DEF6: variants seen among roughly 807,000 people sequenced by gnomAD.
The protein encoded by DEF6 is DEF6 guanine nucleotide exchange factor.
Under a neutral mutation model 80.5 loss-of-function variants are expected in DEF6, and 32 were observed. The observed-to-expected ratio is 0.40, with a 90% CI of 0.30 to 0.53. DEF6 has a LOEUF of 0.53. DEF6 is among the 20% of genes least tolerant of loss of function. DEF6 has a pLI of 0.57. For missense variants in DEF6, 575 were observed against 818.7 expected (o/e 0.70, Z 3.63); for synonymous variants, 300 against 337.9 (o/e 0.89, Z 1.23).
At chr6:35,316,553 G>A (rs1014590970) in intron 5 of DEF6, among the ~76,000 whole-genome samples, 21 of 152,156 alleles carry the variant, frequency 1.4e-4, no homozygotes, top group African/African-American at 4.6e-4. Context: ...CATAGATAGC[G>A]TTTATTATTT....
At chr6:35,310,952 C>T (rs1022968048) in intron 3 of DEF6, among the ~76,000 whole-genome samples, 1 of 152,214 alleles carries the variant, frequency 6.6e-6, no homozygotes, top group Admixed American at 6.5e-5. Context: ...CATTACTGAG[C>T]ATTACTGGCA....
chr6:35,303,307 G>A (rs182234734), intron 1 of DEF6, among the ~76,000 whole-genome samples: 1 of 152,168 alleles, frequency 6.6e-6, no homozygotes, highest in East Asian at 1.9e-4. Context: ...TATGTGGCAG[G>A]TTCTGTCCTG....
At chr6:35,317,643 A>G in intron 5 of DEF6, 1 of 441,972 alleles carries the variant, frequency 2.3e-6, no homozygotes, top group South Asian at 2.9e-5. Context: ...GCGATTATGT[A>G]CTGGGCCCCG....
At chr6:35,307,271 C>T (rs186537299) in intron 1 of DEF6, among the ~76,000 whole-genome samples, 39 of 152,342 alleles carry the variant, frequency 2.6e-4, no homozygotes, top group African/African-American at 8.4e-4. Flanking sequence ...TAGTGGCACG[C>T]GTCAGCAATC....
intron 1 of DEF6, among the ~76,000 whole-genome samples, chr6:35,309,054 T>C (rs902354719): frequency 1.3e-5 from 2 of 152,174 alleles, no homozygotes; most frequent in East Asian, 1.9e-4. Flanking sequence ...CTTTGAGCCC[T>C]CTCCTCTCCC....
chr6:35,319,616 G>A lies in DEF6; in HGVS notation c.1308G>A (p.Gln436=). 6.2e-7 allele frequency: 1 copy of A among 1,614,104 alleles called. No individual in the cohort carries two copies. The highest frequency in any genetic ancestry group is 1.1e-5 in the South Asian group (1 of 91,076). The change falls in exon 8 of 11, where the codon CAG becomes CAA. Residue 436 remains glutamine, a synonymous_variant. Coordinates refer to ENST00000316637, the MANE Select transcript of DEF6 (RefSeq NM_022047.4). This position sits in a 1 kb window ranked among gnomAD's most constrained non-coding sequence, Gnocchi z 4.5. ...TCAAGGAGCTGGAGGAGATGCAGCA[G>A]CGGTTGCAGGAGGCCCTGCAACTAG... ...QRIKELEEMQ[Q]RLQEALQLEV... is the part of the protein sequence containing the mutation.
chr6:35,319,495 T>G lies in DEF6; in HGVS notation c.1216-29T>G. 7.3e-7 allele frequency: 1 copy of G among 1,376,958 alleles called. No homozygotes were observed. The highest frequency in any genetic ancestry group is 3.2e-5 in the East Asian group (1 of 31,160). The allele number at this position is 1,376,958 out of a possible 1,614,324, so 85.3% of individuals were successfully genotyped here. ...CCCCACGTGCCCCTTTTGACCTGGCTCTTGGTCCACCACCTCCCCCCTCCA... is the reference window on the plus strand; with the variant it reads ...CCCCACGTGCCCCTTTTGACCTGGCGCTTGGTCCACCACCTCCCCCCTCCA... On this transcript the variant is annotated intron_variant, in intron 7 of 10. Transcript: ENST00000316637. This position sits in a 1 kb window ranked among gnomAD's most constrained non-coding sequence, Gnocchi z 4.5.
chr6:35,313,425 A>C (rs192597351), intron 5 of DEF6: 5 of 345,234 alleles, frequency 1.4e-5, no homozygotes, highest in African/African-American at 2.2e-5. Flanking sequence ...AAATCATGTC[A>C]TTAGGTATCC....
intron 5 of DEF6, among the ~76,000 whole-genome samples, chr6:35,315,398 C>T (rs1404430946): frequency 3.3e-5 from 5 of 151,984 alleles, no homozygotes; most frequent in Admixed American, 3.3e-4. Flanking sequence ...CCTCCAGCTT[C>T]GTTCTTTTTA....
intron 1 of DEF6, among the ~76,000 whole-genome samples, 197 bp downstream of exon 1, chr6:35,298,149 C>A (rs1031330260): frequency 1.3e-5 from 2 of 152,186 alleles, no homozygotes. Flanking sequence ...CTCCAGAGAC[C>A]TAGTGAAGTG....
chr6:35,305,298 G>A (rs369495990), intron 1 of DEF6, among the ~76,000 whole-genome samples: 6 of 150,804 alleles, frequency 4.0e-5, no homozygotes, highest in Non-Finnish European at 3.0e-5. Flanking sequence ...GGAGTGTGCC[G>A]CCACACCCGG....
chr6:35,298,782 A>G (rs955046428), intron 1 of DEF6, among the ~76,000 whole-genome samples: 2 of 152,160 alleles, frequency 1.3e-5, no homozygotes, highest in Non-Finnish European at 2.9e-5. Context: ...CACTGGGGGA[A>G]AGGAGCAAGG....
chr6:35,319,477 T>G lies in DEF6; in HGVS notation c.1216-47T>G. On this transcript the variant is annotated intron_variant, in intron 7 of 10. Transcript: ENST00000316637. The surrounding 1 kb of genome is among the most constrained non-coding windows in gnomAD (Gnocchi z 4.5). ...CACCCCCTCCTCCTCCGCCCCCACG[T>G]GCCCCTTTTGACCTGGCTCTTGGTC... 59 of 1,146,994 alleles carry G rather than the reference T, an allele frequency of 5.1e-5. No homozygotes were observed. Among genetic ancestry groups the G allele is most frequent in the Non-Finnish European group, 5.5e-5 (46 of 830,722 alleles). The allele number at this position is 1,146,994 out of a possible 1,614,324, so 71.1% of individuals were successfully genotyped here. A position where few individuals can be genotyped will look rare whatever the true frequency, so the allele number is the denominator to read the frequency against.
chr6:35,314,407 CA>C (rs34185807), intron 5 of DEF6, among the ~76,000 whole-genome samples: 77,129 of 99,256 alleles, frequency 0.78, 28,720 homozygotes, highest in East Asian at 0.88. Context: ...AACTCTATCT[CA>C]AAAAAAAAAA....
Position 35,309,771 on chromosome 6 carries a change from G to A in DEF6, c.198G>A (p.Gln66=), listed in dbSNP as rs1241575554. ...RDDDDGPVSS[Q]GYMPYLNKYI... ...ATGATGACGGCCCTGTGTCCAGCCA[G>A]GGATACATGCCCTACCTCAACAAGT... The change falls in exon 2 of 11, where the codon CAG becomes CAA. Residue 66 remains glutamine (Q), a synonymous_variant. Coordinates refer to ENST00000316637, the MANE Select transcript of DEF6 (RefSeq NM_022047.4). The A allele has an allele frequency of 6.8e-6, 11 of 1,613,966 alleles. No homozygotes were observed. The highest frequency in any genetic ancestry group is 9.3e-6 in the Non-Finnish European group (11 of 1,180,020).
At position 35,319,694 on chromosome 6, in the gene DEF6, G is replaced by C. The variant is rs780877257; in HGVS notation, c.1382+4G>C. The stretch of plus-strand genomic sequence containing the variant: ...CTGTGCGAATCGCTCAGACCAGGTA[G>C]GCCTGAGGAACCTCTTCTGGTTCTC... On this transcript the variant is annotated splice_donor_region_variant and intron_variant, in intron 8 of 10. Coordinates refer to ENST00000316637, the MANE Select transcript of DEF6 (RefSeq NM_022047.4). The surrounding 1 kb of genome is among the most constrained non-coding windows in gnomAD (Gnocchi z 4.5). 2 of 1,607,836 alleles carry C rather than the reference G, an allele frequency of 1.2e-6. No homozygotes were observed. The highest frequency in any genetic ancestry group is 1.7e-5 in the Admixed American group (1 of 59,686).
chr6:35,319,828 A>G lies in DEF6; in HGVS notation c.1392A>G (p.Glu464=), dbSNP rs971695980. The change falls in exon 9 of 11, where the codon GAA becomes GAG. Residue 464 remains glutamate, a synonymous_variant. Transcript: ENST00000316637. This position sits in a 1 kb window ranked among gnomAD's most constrained non-coding sequence, Gnocchi z 4.5. ...SVRIAQTRLL[E]EEEEKLKQLM... Reference sequence around the variant, plus strand: ...CACACTCACCCGGCAGACTGCTGGAAGAGGAGGAAGAGAAGCTGAAGCAGT... The same window carrying G: ...CACACTCACCCGGCAGACTGCTGGAGGAGGAGGAAGAGAAGCTGAAGCAGT... 1.3e-6 allele frequency: 2 copies of G among 1,595,156 alleles called. No homozygotes were observed. Among genetic ancestry groups the G allele is most frequent in the Non-Finnish European group, 1.7e-6 (2 of 1,170,630 alleles).
Position 35,310,462 on chromosome 6 carries a change from G to A in DEF6, c.241G>A (p.Glu81Lys), listed in dbSNP as rs1791453541. The A allele has an allele frequency of 1.2e-6, 2 of 1,613,340 alleles. No individual in the cohort carries two copies. Among genetic ancestry groups the A allele is most frequent in the African/African-American group, 1.3e-5 (1 of 74,924 alleles). The stretch of plus-strand genomic sequence containing the variant: ...TGATTTGCAGCCCTGGTGGCAGGTG[G>A]AGGAGGGGGCTTTTGTTAAAGAGCA... ...YLNKYILDKV[E>K]EGAFVKEHFD... The change falls in exon 3 of 11, where the codon GAG becomes AAG. Residue 81 changes from glutamate (E) to lysine (K), a missense_variant. Transcript: ENST00000316637.
chr6:35,314,647 C>G (rs927145474), intron 5 of DEF6, among the ~76,000 whole-genome samples: 1 of 151,970 alleles, frequency 6.6e-6, no homozygotes, highest in Non-Finnish European at 1.5e-5. Context: ...GTTTGAGCTC[C>G]TTATATATTC....
Sources: gnomAD v4.1 joint callset for allele counts (sites outside exome capture counted in the v4.1 genomes callset) on GRCh38, gnomAD v4.1.1 for gene constraint, Gnocchi (gnomAD v3.1) non-coding constraint, MANE v1.5 for transcripts, NCBI Gene and HGNC (gene_info 2026-07-23, HGNC 2026-07-21) for gene names.